PKHD1: variants seen among roughly 807,000 people sequenced by gnomAD.
The protein encoded by PKHD1 is fibrocystin.
Under a neutral mutation model 412.0 loss-of-function variants are expected in PKHD1, and 291 were observed. The observed-to-expected ratio is 0.71, with a 90% confidence interval of 0.64 to 0.78. PKHD1 has a LOEUF of 0.78. Among genes scored for constraint, PKHD1 ranks in the 30% least tolerant of loss-of-function variants. The probability of loss-of-function intolerance (pLI) is 0.00; values close to 1 mark genes in which losing one functional copy is unlikely to be tolerated. For synonymous variants in PKHD1, 1,777 were observed against 1,821.5 expected (o/e 0.98, Z 0.62); for missense variants, 4,825 against 4,950.7 (o/e 0.97, Z 0.76).
chr6:51,923,972 T>C (rs1031105635), intron 37 of PKHD1, among the ~76,000 whole-genome samples: 1 of 152,158 alleles, frequency 6.6e-6, no homozygotes, highest in Non-Finnish European at 1.5e-5. Context: ...ATCTCTAAAA[T>C]GAAAGTAACG....
chr6:51,629,434 T>C (rs922388326), intron 65 of PKHD1, among the ~76,000 whole-genome samples: 1 of 151,998 alleles, frequency 6.6e-6, no homozygotes, highest in African/African-American at 2.4e-5. Context: ...AAAGAAGACA[T>C]ACATGTGGCC....
At chr6:51,693,548 G>C (rs1298949270) in intron 60 of PKHD1, among the ~76,000 whole-genome samples, 1 of 152,150 alleles carries the variant, frequency 6.6e-6, no homozygotes, top group Non-Finnish European at 1.5e-5. Flanking sequence ...TCTCTATCAA[G>C]ATGTAGAGAT....
chr6:52,055,872 A>T, intron 18 of PKHD1, 143 bp from the exon 19 acceptor site: 1 of 771,874 alleles, frequency 1.3e-6, no homozygotes, highest in Non-Finnish European at 2.1e-6. Flanking sequence ...AACCTTGAGT[A>T]AGTAACTCAA....
At chr6:52,053,859 TAAC>T (rs1183643795) in intron 20 of PKHD1, among the ~76,000 whole-genome samples, 176 bp downstream of exon 20, 2 of 152,208 alleles carry the variant, frequency 1.3e-5, no homozygotes, top group Non-Finnish European at 2.9e-5. Flanking sequence ...AGTATATTCT[TAAC>T]AACTAACTGC....
At chr6:51,961,229 G>A (rs1012641885) in intron 35 of PKHD1, among the ~76,000 whole-genome samples, 2 of 152,096 alleles carry the variant, frequency 1.3e-5, no homozygotes, top group Non-Finnish European at 2.9e-5. Context: ...GTATTTCTGA[G>A]ATAGAAAATG....
intron 54 of PKHD1, among the ~76,000 whole-genome samples, chr6:51,775,599 C>T (rs1367960539): frequency 1.3e-5 from 2 of 151,800 alleles, no homozygotes; most frequent in South Asian, 2.1e-4. Context: ...TTCTGCATGT[C>T]GTTCATCATC....
intron 49 of PKHD1, among the ~76,000 whole-genome samples, chr6:51,854,059 C>G (rs1831015): frequency 0.4 from 61,174 of 151,822 alleles, 13,506 homozygotes; most frequent in East Asian, 0.85. Flanking sequence ...TTGAGCTTGT[C>G]TAGTTTTGGT....
At position 51,647,963 on chromosome 6, in the gene PKHD1, G is replaced by A. The variant is rs112029068; in HGVS notation, c.11398+68C>T. The A allele has an allele frequency of 5.7e-5, 54 of 944,128 alleles. No homozygotes were observed. In the African/African-American group the frequency reaches 6.9e-4, roughly 12 times the overall value. The allele number at this position is 944,128 out of a possible 1,614,324, so 58.5% of individuals were successfully genotyped here. On this transcript the variant is annotated intron_variant, in intron 63 of 66. Coordinates refer to ENST00000371117, the MANE Select transcript of PKHD1 (RefSeq NM_138694.4). ...ACCAATTTTGCTATGAATTCCTAAT[G>A]GCTGCAAACATTTTCTGTGCAGATA...
intron 51 of PKHD1, 123 bp downstream of exon 51, chr6:51,836,281 G>A: frequency 1.4e-6 from 1 of 740,402 alleles, no homozygotes; most frequent in Admixed American, 1.9e-5. Context: ...AGAGTTATCA[G>A]ACATATAAGC....
Position 51,842,361 on chromosome 6 carries a change from G to A in PKHD1, c.8107+5414C>T, listed in dbSNP as rs199815893. ...GGGAGGGGGATCAAGCTAGGGGAAG[G>A]GGCTGTGTTTAATGCACCCTGCCAC... is the stretch of plus-strand genomic sequence containing the variant. On this transcript the variant is annotated intron_variant, in intron 50 of 66. Transcript: ENST00000371117. 2.3e-4 allele frequency among the ~76,000 whole-genome samples: 35 copies of A among 152,184 alleles called. No individual in the cohort carries two copies. In the East Asian group the frequency reaches 6.2e-3, roughly 27 times the overall value.
chr6:51,779,761 C>T (rs1026433371), intron 53 of PKHD1, among the ~76,000 whole-genome samples: 20 of 150,654 alleles, frequency 1.3e-4, no homozygotes, highest in Admixed American at 6.7e-5. Flanking sequence ...ACCTATAATA[C>T]TTGTAGTAAA....
At chr6:51,934,995 C>G (rs868108971) in intron 36 of PKHD1, among the ~76,000 whole-genome samples, 13 of 152,094 alleles carry the variant, frequency 8.5e-5, no homozygotes, top group African/African-American at 3.1e-4. Context: ...TTCTAAGGAG[C>G]CTGGGAAGAA....
At chr6:51,619,557 G>T (rs759197479) in intron 66 of PKHD1, 37 bp from the exon 67 acceptor site, 2 of 1,540,784 alleles carry the variant, frequency 1.3e-6, no homozygotes, top group Non-Finnish European at 1.8e-6. Flanking sequence ...AATGGATTTA[G>T]TTTTCAACCA....
chr6:51,664,664 A>G (rs1773426824), intron 60 of PKHD1, among the ~76,000 whole-genome samples: 1 of 152,202 alleles, frequency 6.6e-6, no homozygotes, highest in Non-Finnish European at 1.5e-5. Flanking sequence ...CTGTGTTAAA[A>G]CTAGAGATCA....
At chr6:51,781,844 A>T (rs1792065652) in intron 53 of PKHD1, among the ~76,000 whole-genome samples, 1 of 152,072 alleles carries the variant, frequency 6.6e-6, no homozygotes, top group South Asian at 2.1e-4. Flanking sequence ...TACTAGCTAG[A>T]CACTAGACAT....
intron 36 of PKHD1, among the ~76,000 whole-genome samples, chr6:51,952,651 A>G (rs1243479711): frequency 6.6e-6 from 1 of 152,146 alleles, no homozygotes; most frequent in South Asian, 2.1e-4. Context: ...TTAGCTTTGA[A>G]TATCAGCAAA....
intron 60 of PKHD1, among the ~76,000 whole-genome samples, chr6:51,722,753 T>C (rs1463654055): frequency 1.3e-5 from 2 of 152,172 alleles, no homozygotes; most frequent in East Asian, 3.8e-4. Flanking sequence ...CACATGCTAA[T>C]GTAATTAACC....
At chr6:51,679,172 T>C (rs1776281358) in intron 60 of PKHD1, among the ~76,000 whole-genome samples, 1 of 152,086 alleles carries the variant, frequency 6.6e-6, no homozygotes, top group South Asian at 2.1e-4. Context: ...AGAATTTTTT[T>C]CCCTCTCATG....
chr6:51,673,505 G>A (rs1272209476), intron 60 of PKHD1, among the ~76,000 whole-genome samples: 1 of 152,192 alleles, frequency 6.6e-6, no homozygotes, highest in Non-Finnish European at 1.5e-5. Flanking sequence ...GCAATTGCCG[G>A]TTCTTTGCAT....
Sources: gnomAD v4.1 joint callset for allele counts (sites outside exome capture counted in the v4.1 genomes callset) on GRCh38, gnomAD v4.1.1 for gene constraint, MANE v1.5 for transcripts, NCBI Gene and HGNC (gene_info 2026-07-23, HGNC 2026-07-21) for gene names.